FRMD4B: variants seen among roughly 807,000 people sequenced by gnomAD.
FRMD4B encodes the protein FERM domain-containing protein 4B.
Under a neutral mutation model 141.5 loss-of-function variants are expected in FRMD4B, and 74 were observed. The ratio of observed to expected loss-of-function variants is 0.52; its 90% CI spans 0.43 to 0.63. FRMD4B has a LOEUF of 0.63. Ranked by LOEUF, FRMD4B falls within the 30% of genes least tolerant of loss-of-function variation. The probability of loss-of-function intolerance (pLI) is 0.00; values close to 1 mark genes in which losing one functional copy is unlikely to be tolerated. For missense variants in FRMD4B, 1,366 were observed against 1,253.4 expected (o/e 1.09, Z -1.36); for synonymous variants, 506 against 467.9 (o/e 1.08, Z -1.05).
intron 7 of FRMD4B, among the ~76,000 whole-genome samples, chr3:69,248,648 G>A (rs2093441122): frequency 6.6e-6 from 1 of 152,178 alleles, no homozygotes; most frequent in Admixed American, 6.5e-5. Context: ...TCCAACGATT[G>A]CATTAAAAGG....
intron 1 of FRMD4B, among the ~76,000 whole-genome samples, chr3:69,501,768 A>G (rs1349612614): frequency 1.3e-5 from 2 of 152,322 alleles, no homozygotes; most frequent in Admixed American, 6.5e-5. Flanking sequence ...ACATGATTGT[A>G]TATCTAGAAA....
intron 1 of FRMD4B, among the ~76,000 whole-genome samples, chr3:69,497,056 G>A (rs1183990489): frequency 1.3e-5 from 2 of 151,978 alleles, no homozygotes; most frequent in African/African-American, 4.8e-5. Context: ...TGGTCAATAG[G>A]CTGTGGAAAG....
intron 1 of FRMD4B, among the ~76,000 whole-genome samples, chr3:69,367,253 C>A (rs1703692698): frequency 6.6e-6 from 1 of 152,120 alleles, no homozygotes; most frequent in Admixed American, 6.5e-5. Context: ...TATAGATATT[C>A]TTGCTATAAA....
chr3:69,245,900 T>C (rs13317198), intron 7 of FRMD4B, among the ~76,000 whole-genome samples: 33,251 of 144,982 alleles, frequency 0.23, 4,060 homozygotes, highest in African/African-American at 0.31. Context: ...TGCAATGGTG[T>C]GATCTCGGCT....
In FRMD4B at chr3:69,287,554, T is replaced by A. The variant is rs946682164; in HGVS notation, c.501+198A>T. ...ATATGCAGGATTCCCGTGCAGATGGTTGTCTTTCCCACTCAGAATTTGAGA... is the reference window on the plus strand; with the variant it reads ...ATATGCAGGATTCCCGTGCAGATGGATGTCTTTCCCACTCAGAATTTGAGA... On this transcript the variant is annotated intron_variant, in intron 5 of 22. Coordinates refer to ENST00000398540, the MANE Select transcript of FRMD4B (RefSeq NM_015123.3). The A allele has an allele frequency of 1.5e-5, 8 of 548,350 alleles. No homozygotes were observed. In the African/African-American group the frequency reaches 1.5e-4, roughly 10 times the overall value. The allele number at this position is 548,350 out of a possible 1,614,324, so 34.0% of individuals were successfully genotyped here.
At chr3:69,279,636 C>CT (rs2093634228) in intron 5 of FRMD4B, among the ~76,000 whole-genome samples, 1 of 151,836 alleles carries the variant, frequency 6.6e-6, no homozygotes, top group Non-Finnish European at 1.5e-5. Context: ...AGGGTGAGCT[C>CT]TTAAGAGTTG....
chr3:69,346,143 T>G (rs1485789969), intron 1 of FRMD4B, among the ~76,000 whole-genome samples: 1 of 152,058 alleles, frequency 6.6e-6, no homozygotes, highest in African/African-American at 2.4e-5. Context: ...TTAAATGACC[T>G]GATGGAGCTG....
intron 1 of FRMD4B, among the ~76,000 whole-genome samples, chr3:69,474,219 TAAGA>T (rs1705942151): frequency 6.6e-6 from 1 of 152,044 alleles, no homozygotes; most frequent in African/African-American, 2.4e-5. Context: ...CCAAAGTTAA[TAAGA>T]AAGAAAGGAA....
chr3:69,197,131 C>A, intron 12 of FRMD4B, 93 bp from the exon 13 acceptor site: 1 of 949,948 alleles, frequency 1.1e-6, no homozygotes, highest in Non-Finnish European at 1.6e-6. Flanking sequence ...AAAGCATGTT[C>A]CTCTTACCTG....
At chr3:69,440,086 T>C (rs575856891) in intron 1 of FRMD4B, among the ~76,000 whole-genome samples, 1 of 152,208 alleles carries the variant, frequency 6.6e-6, no homozygotes, top group Admixed American at 6.5e-5. Flanking sequence ...TTTGATATAG[T>C]GAAATTCATC....
chr3:69,541,795 C>CCCCG (rs1298020666), intron 1 of FRMD4B, among the ~76,000 whole-genome samples: 4 of 151,536 alleles, frequency 2.6e-5, no homozygotes, highest in African/African-American at 9.7e-5. Context: ...GATTTCCCCC[C>CCCCG]CCTCTTTTCG....
intron 1 of FRMD4B, among the ~76,000 whole-genome samples, chr3:69,494,155 T>C (rs896509548): frequency 7.9e-5 from 12 of 152,182 alleles, no homozygotes; most frequent in African/African-American, 2.7e-4. Flanking sequence ...ACTGGGATTA[T>C]AGGCATGAGC....
At chr3:69,306,449 C>G (rs530431429) in intron 3 of FRMD4B, 2 of 152,170 alleles carry the variant, frequency 1.3e-5, no homozygotes, top group African/African-American at 2.4e-5. Context: ...TTAGCAAAGC[C>G]TTTCAAAACA....
At chr3:69,440,169 TAA>T (rs984245368) in intron 1 of FRMD4B, among the ~76,000 whole-genome samples, 7 of 152,222 alleles carry the variant, frequency 4.6e-5, no homozygotes, top group Non-Finnish European at 1.0e-4. Context: ...TCTCCCCATC[TAA>T]AGGTTTTACA....
intron 1 of FRMD4B, among the ~76,000 whole-genome samples, chr3:69,495,710 T>C: frequency 6.9e-6 from 1 of 145,510 alleles, no homozygotes; most frequent in Non-Finnish European, 1.6e-5. Context: ...TAAATATATG[T>C]AAATATTATT....
intron 1 of FRMD4B, among the ~76,000 whole-genome samples, chr3:69,371,641 AGAT>A (rs949028207): frequency 3.3e-5 from 5 of 152,194 alleles, no homozygotes; most frequent in Admixed American, 1.3e-4. Flanking sequence ...ATGGTGATGA[AGAT>A]GATAAGTGGA....
chr3:69,184,429 TA>T (rs2092744002), intron 19 of FRMD4B, among the ~76,000 whole-genome samples: 1 of 152,246 alleles, frequency 6.6e-6, no homozygotes, highest in Non-Finnish European at 1.5e-5. Flanking sequence ...AGTGTTATTT[TA>T]ATGACTGCAT....
intron 17 of FRMD4B, among the ~76,000 whole-genome samples, chr3:69,190,938 C>A (rs2092828873): frequency 6.6e-6 from 1 of 152,186 alleles, no homozygotes; most frequent in Non-Finnish European, 1.5e-5. Flanking sequence ...ATGGGGATAA[C>A]AACAGTACCT....
intron 1 of FRMD4B, among the ~76,000 whole-genome samples, chr3:69,488,225 C>A (rs1381969888): frequency 6.6e-6 from 1 of 152,122 alleles, no homozygotes; most frequent in Non-Finnish European, 1.5e-5. Context: ...TCTTTCCAGT[C>A]CTATAAGTAA....
Sources: gnomAD v4.1 joint callset for allele counts (sites outside exome capture counted in the v4.1 genomes callset) on GRCh38, gnomAD v4.1.1 for gene constraint, MANE v1.5 for transcripts, NCBI Gene and HGNC (gene_info 2026-07-23, HGNC 2026-07-21) for gene names.